The following TENT5C variants were observed in gnomAD, a reference collection of about 807,000 sequenced individuals.
The protein encoded by TENT5C is terminal nucleotidyltransferase 5C, also known as family with sequence similarity 46 member C.
A neutral mutation model predicts 22.2 loss-of-function variants in TENT5C; 5 were observed. The ratio of observed to expected loss-of-function variants is 0.22; its 90% CI spans 0.12 to 0.47. TENT5C has a LOEUF of 0.47. TENT5C is among the 20% of genes least tolerant of loss of function. The probability of loss-of-function intolerance (pLI) is 0.99; values close to 1 mark genes in which losing one functional copy is unlikely to be tolerated. For synonymous variants in TENT5C, 199 were observed against 195.4 expected (o/e 1.02, Z -0.15); for missense variants, 364 against 500.9 (o/e 0.73, Z 2.61).
At chr1:117,618,935 TCA>T (rs1653840914) in intron 1 of TENT5C, among the ~76,000 whole-genome samples, 1 of 152,232 alleles carries the variant, frequency 6.6e-6, no homozygotes, top group Admixed American at 6.5e-5. Flanking sequence ...GATAAGCATT[TCA>T]CAGTCATACA....
intron 1 of TENT5C, among the ~76,000 whole-genome samples, chr1:117,615,719 A>G (rs1208689647): frequency 1.3e-5 from 2 of 152,152 alleles, no homozygotes; most frequent in South Asian, 4.2e-4. Flanking sequence ...GATAAGTGGG[A>G]TTTCCCACAC....
chr1:117,614,325 C>T (rs1439351344), intron 1 of TENT5C, among the ~76,000 whole-genome samples: 1 of 152,240 alleles, frequency 6.6e-6, no homozygotes, highest in Non-Finnish European at 1.5e-5. Flanking sequence ...CGGTTATCTG[C>T]TGCTGCACAT....
intron 1 of TENT5C, among the ~76,000 whole-genome samples, chr1:117,617,401 T>TCACA (rs1653811488): frequency 6.6e-6 from 1 of 151,856 alleles, no homozygotes; most frequent in Non-Finnish European, 1.5e-5. Flanking sequence ...TTTTTTCCCT[T>TCACA]CAGTGTGTGT....
chr1:117,616,333 G>A lies in TENT5C; in HGVS notation c.-27-6509G>A, dbSNP rs186086154. On this transcript the variant is annotated intron_variant, in intron 1 of 1. Transcript: ENST00000369448. ...GCAAAGAAGAGATGGACTTGGAGTCGTGGTTGTCATTCACTCTTGTTAAGG... is the reference window on the plus strand; with the variant it reads ...GCAAAGAAGAGATGGACTTGGAGTCATGGTTGTCATTCACTCTTGTTAAGG... 2.1e-4 allele frequency among the ~76,000 whole-genome samples: 32 copies of A among 152,342 alleles called. No homozygotes were observed. The East Asian group carries it at 3.9e-3, about 18-fold the overall frequency.
intron 1 of TENT5C, among the ~76,000 whole-genome samples, chr1:117,614,869 C>T (rs918120802): frequency 6.6e-6 from 1 of 152,208 alleles, no homozygotes; most frequent in Non-Finnish European, 1.5e-5. Context: ...GGTTCTCTCT[C>T]TCTTCTGGAC....
intron 1 of TENT5C, among the ~76,000 whole-genome samples, chr1:117,613,896 G>A (rs1038524858): frequency 8.5e-5 from 13 of 152,234 alleles, no homozygotes; most frequent in Non-Finnish European, 1.5e-4. Context: ...AACTCAGGTA[G>A]AATGTGTTGC....
chr1:117,606,501 C>G (rs939028563), intron 1 of TENT5C, among the ~76,000 whole-genome samples: 3 of 152,214 alleles, frequency 2.0e-5, no homozygotes, highest in Non-Finnish European at 4.4e-5. Flanking sequence ...CAGGCGCGGG[C>G]AGGGCGTCTG....
intron 1 of TENT5C, among the ~76,000 whole-genome samples, chr1:117,617,052 G>A (rs3767818): frequency 0.052 from 7,989 of 152,248 alleles, 297 homozygotes; most frequent in East Asian, 0.14. Context: ...GTGTGCAAAT[G>A]TTATAAATGC....
intron 1 of TENT5C, among the ~76,000 whole-genome samples, chr1:117,606,920 C>T (rs1653550477): frequency 6.6e-6 from 1 of 152,164 alleles, no homozygotes; most frequent in South Asian, 2.1e-4. Flanking sequence ...TGCTTCCTCT[C>T]CTTTTGAAAA....
At chr1:117,607,858 C>T (rs572699860) in intron 1 of TENT5C, among the ~76,000 whole-genome samples, 1 of 152,114 alleles carries the variant, frequency 6.6e-6, no homozygotes, top group South Asian at 2.1e-4. Flanking sequence ...CTGAGCTGGG[C>T]TGCAGGGGTT....
At chr1:117,609,191 T>C (rs1256840778) in intron 1 of TENT5C, among the ~76,000 whole-genome samples, 1 of 152,228 alleles carries the variant, frequency 6.6e-6, no homozygotes, top group Non-Finnish European at 1.5e-5. Flanking sequence ...CCATAAGATC[T>C]CTCAAAACGT....
At position 117,624,115 on chromosome 1, in the gene TENT5C, T is replaced by C; in HGVS notation, c.*71T>C. 7.5e-7 allele frequency: 1 copy of C among 1,335,410 alleles called. No individual in the cohort carries two copies. Among genetic ancestry groups the C allele is most frequent in the East Asian group, 2.5e-5 (1 of 40,698 alleles). 82.7% of individuals were successfully genotyped at this position (1,335,410 alleles called of 1,614,324 possible). A position where few individuals can be genotyped will look rare whatever the true frequency, so the allele number is the denominator to read the frequency against. ...GGGCTCTCAGGTAGGGGAGCCTCCT[T>C]CTAGATGTAGGCATTTGGCTTTTAA... On this transcript the variant is annotated 3_prime_UTR_variant, in exon 2 of 2. Coordinates refer to ENST00000369448, the MANE Select transcript of TENT5C (RefSeq NM_017709.4).
In TENT5C at chr1:117,627,470, T is replaced by A. The variant is rs1424135063; in HGVS notation, c.*3426T>A. On this transcript the variant is annotated 3_prime_UTR_variant, in exon 2 of 2. Coordinates refer to ENST00000369448, the MANE Select transcript of TENT5C (RefSeq NM_017709.4). Reference sequence around the variant, plus strand: ...TTCTGGTACTGGTTGGTGCCTTGTATTGGGATACAGCTATATTCTTAGCTC... The same window carrying A: ...TTCTGGTACTGGTTGGTGCCTTGTAATGGGATACAGCTATATTCTTAGCTC... 3 of 248,020 alleles carry A rather than the reference T, an allele frequency of 1.2e-5. No homozygotes were observed. Among genetic ancestry groups the A allele is most frequent in the African/African-American group, 2.2e-5 (1 of 45,362 alleles). The allele number at this position is 248,020 out of a possible 1,614,324, so 15.4% of individuals were successfully genotyped here.
chr1:117,625,493 T>TTATG lies in TENT5C; in HGVS notation c.*1451_*1454dup. 1 of 248,074 alleles carries TTATG rather than the reference T, an allele frequency of 4.0e-6. No individual in the cohort carries two copies. Among genetic ancestry groups the TTATG allele is most frequent in the African/African-American group, 2.2e-5 (1 of 45,456 alleles). The allele number at this position is 248,074 out of a possible 1,614,324, so 15.4% of individuals were successfully genotyped here. On this transcript the variant is annotated 3_prime_UTR_variant, in exon 2 of 2. Transcript: ENST00000369448. ...CTTTTTCCAGTAGATTTAGATGAGA[T>TTATG]TATGTGTTTTGAAATGTTTTGTGGG...
intron 1 of TENT5C, among the ~76,000 whole-genome samples, chr1:117,620,136 G>A (rs1029324440): frequency 1.3e-5 from 2 of 152,152 alleles, no homozygotes; most frequent in Non-Finnish European, 2.9e-5. Context: ...GCTATCACTA[G>A]TCTCAGATGT....
rs1003269787 is a variant in TENT5C at position 117,606,090 on chromosome 1, C to A, written c.-91C>A. 6.6e-6 allele frequency: 1 copy of A among 152,424 alleles called. No individual in the cohort carries two copies. The highest frequency in any genetic ancestry group is 1.5e-5 in the Non-Finnish European group (1 of 68,282). The allele number at this position is 152,424 out of a possible 1,614,324, so 9.4% of individuals were successfully genotyped here. ...TGCCTAGGGGCTGTAGAGGTCGCGC[C>A]GCTCCTGCTGGGGCCTGCCCACGCC... is the stretch of plus-strand genomic sequence containing the variant. On this transcript the variant is annotated 5_prime_UTR_variant, in exon 1 of 2. Coordinates refer to ENST00000369448, the MANE Select transcript of TENT5C (RefSeq NM_017709.4).
rs901062353 is a variant in TENT5C, at chr1:117,625,943, C to T, written c.*1899C>T. 6.5e-5 allele frequency: 16 copies of T among 247,680 alleles called. No individual in the cohort carries two copies. The highest frequency in any genetic ancestry group is 1.1e-4 in the African/African-American group (5 of 45,282). 15.3% of individuals were successfully genotyped at this position (247,680 alleles called of 1,614,324 possible). The stretch of plus-strand genomic sequence containing the variant: ...TAATTCAGTGGCTTTGAGTCAAGGC[C>T]GGTTCTAATTGAGGGGACCCAGTGT... On this transcript the variant is annotated 3_prime_UTR_variant, in exon 2 of 2. Coordinates refer to ENST00000369448, the MANE Select transcript of TENT5C (RefSeq NM_017709.4).
intron 1 of TENT5C, among the ~76,000 whole-genome samples, chr1:117,607,814 A>C (rs1422079441): frequency 6.6e-6 from 1 of 152,174 alleles, no homozygotes; most frequent in Admixed American, 6.5e-5. Flanking sequence ...GGAGTAAAGA[A>C]TGCTGACTTT....
At position 117,624,272 on chromosome 1, in the gene TENT5C, G is replaced by C; in HGVS notation, c.*228G>C. The C allele has an allele frequency of 1.9e-6, 1 of 540,042 alleles. No individual in the cohort carries two copies. Among genetic ancestry groups the C allele is most frequent in the East Asian group, 3.0e-5 (1 of 33,662 alleles). The allele number at this position is 540,042 out of a possible 1,614,324, so 33.5% of individuals were successfully genotyped here. On this transcript the variant is annotated 3_prime_UTR_variant, in exon 2 of 2. Transcript: ENST00000369448. ...CAGTGCCACGTTGGAAAACGCTACA[G>C]GAAGCATGACCTATCCACATCTTTC...
Sources: gnomAD v4.1 joint callset for allele counts (sites outside exome capture counted in the v4.1 genomes callset) on GRCh38, gnomAD v4.1.1 for gene constraint, MANE v1.5 for transcripts, NCBI Gene and HGNC (gene_info 2026-07-23, HGNC 2026-07-21) for gene names.